Variants in KCNMB3 observed in about 807,000 individuals in gnomAD.
The protein encoded by KCNMB3 is potassium calcium-activated channel subfamily M regulatory beta subunit 3, also known as calcium-activated potassium channel subunit beta-3.
KCNMB3 carries 18 observed loss-of-function variants against 11.9 expected under a neutral mutation model. The ratio of observed to expected loss-of-function variants is 1.51; its 90% CI spans 1.04 to 2.23. KCNMB3 has a LOEUF of 2.23. KCNMB3 is among the 30% of genes most tolerant of loss of function. KCNMB3 has a pLI of 0.00. For missense variants in KCNMB3, 247 were observed against 329.4 expected (o/e 0.75, Z 1.94); for synonymous variants, 78 against 119.2 (o/e 0.65, Z 2.25).
At chr3:179,261,333 C>CA (rs1268597106) in intron 1 of KCNMB3, 14 of 1,187,234 alleles carry the variant, frequency 1.2e-5, no homozygotes, top group African/African-American at 1.6e-5. Flanking sequence ...GCCGGAGCCC[C>CA]CCCCCGCGGG....
chr3:179,261,302 C>A, intron 1 of KCNMB3: 11 of 1,258,920 alleles, frequency 8.7e-6, no homozygotes, highest in Non-Finnish European at 1.1e-5. Context: ...CTCCACCCGG[C>A]GGGAAACGCT....
At chr3:179,247,102 G>A (rs939596845) in intron 1 of KCNMB3, among the ~76,000 whole-genome samples, 2 of 152,084 alleles carry the variant, frequency 1.3e-5, no homozygotes, top group Non-Finnish European at 2.9e-5. Flanking sequence ...AGAGAGATGA[G>A]AACTCACCAC....
At chr3:179,258,247 T>C (rs528079434) in intron 1 of KCNMB3, among the ~76,000 whole-genome samples, 33 of 152,344 alleles carry the variant, frequency 2.2e-4, no homozygotes, top group African/African-American at 7.7e-4. Flanking sequence ...TAATTTGACA[T>C]GTATCACTTC....
intron 1 of KCNMB3, among the ~76,000 whole-genome samples, chr3:179,265,550 A>G (rs1046140219): frequency 4.6e-5 from 7 of 152,078 alleles, no homozygotes; most frequent in Admixed American, 2.6e-4. Flanking sequence ...TCCTCCTCCC[A>G]GGTTCAAGCA....
chr3:179,253,390 A>T (rs1427028827), upstream of KCNMB3, among the ~76,000 whole-genome samples: 1 of 152,184 alleles, frequency 6.6e-6, no homozygotes, highest in Non-Finnish European at 1.5e-5. Context: ...TTTATTTATA[A>T]TTTTTCTGCC....
intron 2 of KCNMB3, among the ~76,000 whole-genome samples, chr3:179,243,662 G>A (rs1241634450): frequency 2.6e-5 from 4 of 152,166 alleles, no homozygotes; most frequent in Admixed American, 2.6e-4. Flanking sequence ...GCTTAGTAAT[G>A]CCTCTGTTGT....
chr3:179,264,557 T>C (rs573039000), intron 1 of KCNMB3, among the ~76,000 whole-genome samples: 1 of 152,310 alleles, frequency 6.6e-6, no homozygotes, highest in East Asian at 1.9e-4. Context: ...TCACTGCAGA[T>C]AGGACTGACT....
chr3:179,253,216 G>A (rs567585992), upstream of KCNMB3, among the ~76,000 whole-genome samples: 3 of 152,190 alleles, frequency 2.0e-5, no homozygotes, highest in South Asian at 2.1e-4. Flanking sequence ...GATATCCTTG[G>A]AATCCATGGG....
chr3:179,251,825 G>A (rs550223281), upstream of KCNMB3, among the ~76,000 whole-genome samples: 2 of 152,164 alleles, frequency 1.3e-5, no homozygotes, highest in African/African-American at 2.4e-5. Flanking sequence ...AGGTTCAAGC[G>A]ATTCTCCTGC....
At chr3:179,267,030 T>C (rs1576967446), upstream of KCNMB3, 2 of 751,102 alleles carry the variant, frequency 2.7e-6, no homozygotes. Context: ...CACCTGTGTT[T>C]CCGCCTCGGC....
Position 179,250,773 on chromosome 3 carries a change from C to T in KCNMB3, c.218G>A (p.Gly73Glu). The stretch of plus-strand genomic sequence containing the variant: ...CATAAAAGGCTTTAGAATGGTTGTT[C>T]CGAGCAAGAAGAACATTAGGACTGA... ...GFSVLMFFLL[G>E]TTILKPFMLS... Residue 73 changes from glycine (G) to glutamate (E), a missense_variant, in exon 1 of 3, where the codon GGA becomes GAA. This residue lies in a region of KCNMB3 where 160 missense variants were observed against 157.5 expected (regional missense o/e 1.02). Transcript: ENST00000392685. The T allele has an allele frequency of 1.2e-6, 2 of 1,614,132 alleles. No individual in the cohort carries two copies. Among genetic ancestry groups the T allele is most frequent in the Non-Finnish European group, 8.5e-7 (1 of 1,180,036 alleles).
chr3:179,266,705 C>T, exon 1 of KCNMB3: 1 of 1,614,174 alleles, frequency 6.2e-7, no homozygotes, highest in Non-Finnish European at 8.5e-7. Flanking sequence ...TGCTGAAGGG[C>T]TGCATGAGGC....
At chr3:179,261,876 G>C (rs554735741) in intron 1 of KCNMB3, among the ~76,000 whole-genome samples, 1 of 152,250 alleles carries the variant, frequency 6.6e-6, no homozygotes, top group South Asian at 2.1e-4. Context: ...TTTTACAAAA[G>C]ATACATCTAA....
rs547912951 is a variant in KCNMB3 at position 179,249,432 on chromosome 3, G to A, written c.248+1311C>T. 6.6e-5 allele frequency among the ~76,000 whole-genome samples: 10 copies of A among 151,932 alleles called. 1 individual carries two copies. Among genetic ancestry groups the A allele is most frequent in the South Asian group, 4.2e-4 (2 of 4,806 alleles). On this transcript the variant is annotated intron_variant, in intron 1 of 2. Coordinates refer to ENST00000392685, the MANE Select transcript of KCNMB3 (RefSeq NM_171830.2). ...TCCCAGCACTTTGGGAGGCCAAGGC[G>A]GGCAGATCACAGGGTCAGGAGTTCA...
At chr3:179,250,023 C>T (rs933799726) in intron 1 of KCNMB3, among the ~76,000 whole-genome samples, 1 of 151,898 alleles carries the variant, frequency 6.6e-6, no homozygotes, top group African/African-American at 2.4e-5. Context: ...TGTACATGTA[C>T]CCCGGAACTT....
At chr3:179,251,685 CA>C, upstream of KCNMB3, 3 of 1,223,348 alleles carry the variant, frequency 2.5e-6, no homozygotes, top group Non-Finnish European at 3.1e-6. Flanking sequence ...ATCCAGCCCA[CA>C]GATGTGTTTT....
At chr3:179,253,020 G>A (rs935528999), upstream of KCNMB3, among the ~76,000 whole-genome samples, 14 of 152,232 alleles carry the variant, frequency 9.2e-5, no homozygotes, top group East Asian at 1.2e-3. Flanking sequence ...GTGAGCCACT[G>A]CACCCAGCCA....
intron 1 of KCNMB3, among the ~76,000 whole-genome samples, chr3:179,249,199 G>A (rs111606247): frequency 6.7e-6 from 1 of 150,268 alleles, no homozygotes; most frequent in Non-Finnish European, 1.5e-5. Context: ...ATTTTTAGTA[G>A]AGACGGGGTT....
upstream of KCNMB3, among the ~76,000 whole-genome samples, chr3:179,254,162 C>G (rs781090165): frequency 2.0e-5 from 3 of 152,166 alleles, no homozygotes; most frequent in Non-Finnish European, 2.9e-5. Flanking sequence ...AATATACCAT[C>G]CAACTAGAGC....
Sources: allele counts gnomAD v4.1 joint callset (sites outside exome capture counted in the v4.1 genomes callset), GRCh38; gene constraint gnomAD v4.1.1; regional missense constraint gnomAD v4.1.1; transcripts MANE v1.5; gene names NCBI Gene and HGNC (gene_info 2026-07-23, HGNC 2026-07-21).